Variants in SYTL3 observed in about 807,000 individuals in gnomAD.
SYTL3 encodes the protein synaptotagmin like 3, also known as synaptotagmin-like protein 3.
In SYTL3, 88 loss-of-function variants were observed where a neutral mutation model predicts 82.1. That is an observed-to-expected ratio of 1.07 (90% CI 0.90 to 1.28). SYTL3 has a LOEUF of 1.28. SYTL3 is among the 50% of genes most tolerant of loss of function. SYTL3 has a pLI of 0.00. For missense variants in SYTL3, 831 were observed against 757.6 expected (o/e 1.10, Z -1.14); for synonymous variants, 311 against 289.4 (o/e 1.07, Z -0.76).
rs1789576870 is a variant in SYTL3, at chr6:158,663,256, A to G, written c.-13A>G. ...AAGCTCTTCCAACCTGGGTCAACGA[A>G]AACGGAGAAGAAATGGCCCAAGAAA... On this transcript the variant is annotated 5_prime_UTR_variant, in exon 4 of 18. Transcript: ENST00000611299. 1 of 1,613,926 alleles carries G rather than the reference A, an allele frequency of 6.2e-7. No individual in the cohort carries two copies. Among genetic ancestry groups the G allele is most frequent in the Non-Finnish European group, 8.5e-7 (1 of 1,179,832 alleles).
chr6:158,663,432 G>C, intron 4 of SYTL3, 54 bp downstream of exon 4: 1 of 1,596,338 alleles, frequency 6.3e-7, no homozygotes. Flanking sequence ...CTCTGCTTGG[G>C]GCCTGCCACT....
intron 5 of SYTL3, among the ~76,000 whole-genome samples, chr6:158,675,296 A>G (rs901397401): frequency 2.0e-5 from 3 of 152,264 alleles, no homozygotes; most frequent in South Asian, 4.1e-4. Flanking sequence ...GAGGTTAAGC[A>G]AGGGAGAGTT....
chr6:158,715,389 A>C (rs1783245974), intron 9 of SYTL3, among the ~76,000 whole-genome samples: 1 of 151,992 alleles, frequency 6.6e-6, no homozygotes, highest in South Asian at 2.1e-4. Context: ...CCAGCCCTGC[A>C]CACAGGTTCA....
intron 5 of SYTL3, among the ~76,000 whole-genome samples, chr6:158,670,608 C>T (rs994836402): frequency 3.3e-5 from 5 of 151,912 alleles, no homozygotes; most frequent in Non-Finnish European, 7.4e-5. Context: ...ATGGTGAAAC[C>T]CCATATCTAC....
intron 14 of SYTL3, among the ~76,000 whole-genome samples, chr6:158,759,722 T>C (rs1339182895): frequency 2.0e-5 from 3 of 152,002 alleles, no homozygotes; most frequent in Admixed American, 2.0e-4. Context: ...TTGGTAGACA[T>C]GGGGTTTCAC....
chr6:158,651,866 C>T (rs963446338), intron 2 of SYTL3, 24 bp downstream of exon 2: 12 of 151,924 alleles, frequency 7.9e-5, no homozygotes, highest in Non-Finnish European at 1.5e-4. Context: ...TTTATAGATT[C>T]AAGCCCACGT....
chr6:158,674,098 A>AATAATAAT lies in SYTL3; in HGVS notation c.329+8487_329+8494dup, dbSNP rs1554244725. Among the ~76,000 whole-genome samples, 132 of 139,200 alleles carry AATAATAAT rather than the reference A, an allele frequency of 9.5e-4. 1 individual carries two copies. The East Asian group carries it at 0.018, about 19-fold the overall frequency. The allele number at this position is 139,200 out of a possible 152,430, so 91.3% of individuals were successfully genotyped here. On this transcript the variant is annotated intron_variant, in intron 5 of 17. Transcript: ENST00000611299. ...GACTGTGTCTCAAAATAATAATAAT[A>AATAATAAT]ATAATAATAATAATAATAATAATGA...
intron 5 of SYTL3, among the ~76,000 whole-genome samples, chr6:158,678,913 T>C (rs1778351713): frequency 6.6e-6 from 1 of 152,258 alleles, no homozygotes; most frequent in Non-Finnish European, 1.5e-5. Flanking sequence ...CAAGAAACTT[T>C]CATAACCTCA....
In SYTL3 at chr6:158,757,217, G is replaced by A. The variant is rs769792763; in HGVS notation, c.1144G>A (p.Val382Met). 52 of 1,609,396 alleles carry A rather than the reference G, an allele frequency of 3.2e-5. No individual in the cohort carries two copies. Among genetic ancestry groups the A allele is most frequent in the Non-Finnish European group, 4.2e-5 (50 of 1,179,784 alleles). The change falls in exon 14 of 18, where the codon GTG becomes ATG. Residue 382 changes from valine (V) to methionine (M), a missense_variant. Coordinates refer to ENST00000611299, the MANE Select transcript of SYTL3 (RefSeq NM_001242394.2). ...PTFQETLKYQ[V>M]APAQLVTRQL... ...CTCTTCCTTGCCTCTGCAGTATCAG[G>A]TGGCCCCTGCCCAGCTGGTGACCCG...
chr6:158,650,503 G>A (rs140826159), intron 1 of SYTL3, among the ~76,000 whole-genome samples: 323 of 151,972 alleles, frequency 2.1e-3, no homozygotes, highest in African/African-American at 7.5e-3. Flanking sequence ...GTTTGGAGGT[G>A]GAACATAAAT....
chr6:158,719,006 C>T (rs1041303020), intron 10 of SYTL3, among the ~76,000 whole-genome samples: 6 of 152,228 alleles, frequency 3.9e-5, no homozygotes, highest in Admixed American at 2.6e-4. Context: ...TTGCACACAG[C>T]CTCTTGAGAG....
chr6:158,721,566 T>G (rs538776909), intron 10 of SYTL3, among the ~76,000 whole-genome samples: 6 of 152,150 alleles, frequency 3.9e-5, no homozygotes, highest in African/African-American at 1.4e-4. Flanking sequence ...TACTCAGCAA[T>G]GATAGTATGA....
chr6:158,669,814 C>T (rs184177129), intron 5 of SYTL3, among the ~76,000 whole-genome samples: 25 of 152,300 alleles, frequency 1.6e-4, no homozygotes, highest in Admixed American at 4.6e-4. Context: ...TGGTCATCCA[C>T]GAGGTCATGG....
At chr6:158,654,340 C>T (rs1040976503) in intron 2 of SYTL3, among the ~76,000 whole-genome samples, 11 of 152,170 alleles carry the variant, frequency 7.2e-5, no homozygotes, top group African/African-American at 2.4e-4. Context: ...ATATCTGGCA[C>T]GTGCTTGATA....
intron 12 of SYTL3, among the ~76,000 whole-genome samples, chr6:158,748,485 G>A (rs963351863): frequency 1.3e-5 from 2 of 152,144 alleles, no homozygotes; most frequent in African/African-American, 4.8e-5. Context: ...GAGGAATGCA[G>A]TTAAAGCAGT....
chr6:158,669,840 C>G (rs2119527), intron 5 of SYTL3, among the ~76,000 whole-genome samples: 3 of 152,176 alleles, frequency 2.0e-5, no homozygotes, highest in South Asian at 2.1e-4. Context: ...GTGTGTATGC[C>G]TGTGGTCCCA....
intron 11 of SYTL3, among the ~76,000 whole-genome samples, chr6:158,744,208 C>A (rs1033549320): frequency 1.3e-5 from 2 of 151,502 alleles, no homozygotes; most frequent in Admixed American, 6.6e-5. Context: ...TGAGCCACCA[C>A]GCCTGGTCTC....
At chr6:158,711,648 T>A (rs979065092) in intron 8 of SYTL3, among the ~76,000 whole-genome samples, 7 of 152,206 alleles carry the variant, frequency 4.6e-5, no homozygotes, top group African/African-American at 1.7e-4. Flanking sequence ...AGTAAAGGAA[T>A]AAAGAACGGC....
At position 158,693,855 on chromosome 6, in the gene SYTL3, C is replaced by CTTTTTTTTT. The variant is rs575358067; in HGVS notation, c.394+10876_394+10884dup. ...TGCATCCAGCCTTTCTTTTTCTTTT[C>CTTTTTTTTT]TTTTTTTTTTTTTTTTTTGTAGATA... On this transcript the variant is annotated intron_variant, in intron 6 of 17. Coordinates refer to ENST00000611299, the MANE Select transcript of SYTL3 (RefSeq NM_001242394.2). Among the ~76,000 whole-genome samples, 251 of 96,794 alleles carry CTTTTTTTTT rather than the reference C, an allele frequency of 2.6e-3. 14 individuals are homozygous for CTTTTTTTTT. The highest frequency in any genetic ancestry group is 0.012 in the African/African-American group (231 of 18,556). 63.5% of individuals were successfully genotyped at this position (96,794 alleles called of 152,430 possible).
Sources: allele counts gnomAD v4.1 joint callset (sites outside exome capture counted in the v4.1 genomes callset), GRCh38; gene constraint gnomAD v4.1.1; transcripts MANE v1.5; gene names NCBI Gene and HGNC (gene_info 2026-07-23, HGNC 2026-07-21).